Variants in LDLRAD4 observed in about 807,000 individuals in gnomAD.
The protein encoded by LDLRAD4 is low density lipoprotein receptor class A domain containing 4.
LDLRAD4 carries 5 observed loss-of-function variants against 17.0 expected under a neutral mutation model. The observed-to-expected ratio is 0.29, with a 90% confidence interval of 0.15 to 0.62. LDLRAD4 has a LOEUF of 0.62. Among genes scored for constraint, LDLRAD4 ranks in the 20% least tolerant of loss-of-function variants. LDLRAD4 has a pLI of 0.84. For missense variants in LDLRAD4, 340 were observed against 424.7 expected (o/e 0.80, Z 1.75); for synonymous variants, 168 against 171.8 (o/e 0.98, Z 0.17).
chr18:13,297,296 CGT>C (rs2046330070), intron 1 of LDLRAD4, among the ~76,000 whole-genome samples: 1 of 152,096 alleles, frequency 6.6e-6, no homozygotes. Context: ...ATCATAGCAC[CGT>C]TTGGTGTTTT....
chr18:13,643,364 G>A, exon 5 of LDLRAD4: 1 of 1,456,004 alleles, frequency 6.9e-7, no homozygotes, highest in Non-Finnish European at 9.1e-7. Flanking sequence ...GCCAGGAAGG[G>A]TGCCTGTGGC....
At position 13,322,557 on chromosome 18, in the gene LDLRAD4, C is replaced by A. The variant is rs577838772; in HGVS notation, c.-383+44369C>A. 4.7e-4 allele frequency among the ~76,000 whole-genome samples: 71 copies of A among 152,116 alleles called. 1 individual carries two copies. Among genetic ancestry groups the A allele is most frequent in the Admixed American group, 2.7e-3 (42 of 15,284 alleles). Reference sequence around the variant, plus strand: ...TCAGGTGATCCACCTGCCTCAGCCTCCCAAAGTGCCTCCCAAAGTGGCGTG... The same window carrying A: ...TCAGGTGATCCACCTGCCTCAGCCTACCAAAGTGCCTCCCAAAGTGGCGTG... On this transcript the variant is annotated intron_variant, in intron 1 of 5. Coordinates refer to ENST00000359446, the Ensembl canonical transcript of LDLRAD4.
chr18:13,465,397 C>T (rs546470088), intron 3 of LDLRAD4, among the ~76,000 whole-genome samples: 3 of 152,276 alleles, frequency 2.0e-5, no homozygotes, highest in East Asian at 1.9e-4. Context: ...TTCTTAAAGG[C>T]TCATATCATG....
chr18:13,543,282 G>A (rs1166598194), intron 3 of LDLRAD4: 1 of 152,184 alleles, frequency 6.6e-6, no homozygotes, highest in Non-Finnish European at 1.5e-5. Context: ...TTGAGCTCCT[G>A]TTCCTAAAAT....
chr18:13,254,741 T>C (rs2043410949), intron 1 of LDLRAD4, among the ~76,000 whole-genome samples: 1 of 152,162 alleles, frequency 6.6e-6, no homozygotes, highest in Non-Finnish European at 1.5e-5. Flanking sequence ...GGCAGGAGGA[T>C]CATTTGAGCC....
At chr18:13,281,434 A>G (rs866814897) in intron 1 of LDLRAD4, among the ~76,000 whole-genome samples, 1 of 152,136 alleles carries the variant, frequency 6.6e-6, no homozygotes, top group African/African-American at 2.4e-5. Flanking sequence ...AAAACAAAAA[A>G]TACCCACAAA....
chr18:13,382,482 C>G (rs1056753115), intron 1 of LDLRAD4: 3 of 152,146 alleles, frequency 2.0e-5, no homozygotes, highest in Non-Finnish European at 4.4e-5. Flanking sequence ...TTGACGTGCT[C>G]TATTTCCTTA....
At chr18:13,520,179 A>G (rs2093931416) in intron 3 of LDLRAD4, 1 of 152,156 alleles carries the variant, frequency 6.6e-6, no homozygotes. Flanking sequence ...TCTTCAGAAG[A>G]ATTCATGGGG....
At chr18:13,623,804 C>T (rs1297319618) in intron 4 of LDLRAD4, among the ~76,000 whole-genome samples, 5 of 152,182 alleles carry the variant, frequency 3.3e-5, no homozygotes, top group Non-Finnish European at 7.4e-5. Flanking sequence ...TCCCCTAACC[C>T]AGGTCCTCTC....
At chr18:13,585,394 G>A (rs1295716801) in intron 3 of LDLRAD4, 2 of 152,150 alleles carry the variant, frequency 1.3e-5, no homozygotes, top group African/African-American at 4.8e-5. Flanking sequence ...TAATATTGAG[G>A]TGAAGAGAGA....
At chr18:13,389,925 C>T (rs1325556804) in intron 2 of LDLRAD4, among the ~76,000 whole-genome samples, 1 of 152,168 alleles carries the variant, frequency 6.6e-6, no homozygotes, top group Admixed American at 6.5e-5. Context: ...GCCTGTGTCA[C>T]CCCACCTTCC....
intron 1 of LDLRAD4, among the ~76,000 whole-genome samples, chr18:13,309,734 G>A (rs2047122392): frequency 6.6e-6 from 1 of 152,106 alleles, no homozygotes; most frequent in African/African-American, 2.4e-5. Context: ...ATGAGAGTGG[G>A]GTCTGAGGGA....
intron 1 of LDLRAD4, among the ~76,000 whole-genome samples, chr18:13,304,078 C>T (rs922977305): frequency 5.3e-5 from 8 of 152,226 alleles, no homozygotes; most frequent in African/African-American, 1.9e-4. Flanking sequence ...GTCCTGGGGT[C>T]TGGTCCCCCC....
intron 1 of LDLRAD4, among the ~76,000 whole-genome samples, chr18:13,356,057 G>GT (rs2083319011): frequency 6.6e-6 from 1 of 152,270 alleles, no homozygotes; most frequent in Admixed American, 6.5e-5. Flanking sequence ...AGGGAGGAGC[G>GT]TAAGCAAGTG....
At chr18:13,221,663 A>G (rs1429424224) in intron 1 of LDLRAD4, among the ~76,000 whole-genome samples, 1 of 151,986 alleles carries the variant, frequency 6.6e-6, no homozygotes, top group Non-Finnish European at 1.5e-5. Context: ...AGTTAATGTC[A>G]TTTTTTTCCA....
intron 3 of LDLRAD4, among the ~76,000 whole-genome samples, chr18:13,586,442 T>C (rs1239622906): frequency 8.8e-6 from 1 of 113,622 alleles, no homozygotes; most frequent in Non-Finnish European, 1.8e-5. Context: ...TGAGAAGGGC[T>C]CTGAGGGCTC....
At chr18:13,567,443 G>A (rs2094620210) in intron 3 of LDLRAD4, among the ~76,000 whole-genome samples, 1 of 152,160 alleles carries the variant, frequency 6.6e-6, no homozygotes, top group Non-Finnish European at 1.5e-5. Flanking sequence ...CAAACGCACT[G>A]TCACCACCCC....
intron 3 of LDLRAD4, among the ~76,000 whole-genome samples, chr18:13,597,619 C>A (rs1182532480): frequency 2.6e-5 from 4 of 151,834 alleles, no homozygotes; most frequent in Admixed American, 1.3e-4. Context: ...TCTCTTCAAT[C>A]ATTTTTCTGT....
intron 3 of LDLRAD4, among the ~76,000 whole-genome samples, chr18:13,486,219 G>A (rs2093219348): frequency 6.6e-6 from 1 of 152,208 alleles, no homozygotes; most frequent in Non-Finnish European, 1.5e-5. Context: ...TGCAGACGTA[G>A]TTCCCTGGGA....
Sources: allele counts gnomAD v4.1 joint callset (sites outside exome capture counted in the v4.1 genomes callset), GRCh38; gene constraint gnomAD v4.1.1; transcripts MANE v1.5; gene names NCBI Gene and HGNC (gene_info 2026-07-23, HGNC 2026-07-21).